PRKAR1B: variants seen among roughly 807,000 people sequenced by gnomAD.
The protein encoded by PRKAR1B is protein kinase cAMP-dependent type I regulatory subunit beta, also known as cAMP-dependent protein kinase type I-beta regulatory subunit.
In PRKAR1B, 22 loss-of-function variants were observed where a neutral mutation model predicts 46.5. That is an observed-to-expected ratio of 0.47 (90% CI 0.34 to 0.68). The LOEUF (loss-of-function observed/expected upper bound fraction) is 0.68. Among genes scored for constraint, PRKAR1B ranks in the 30% least tolerant of loss-of-function variants. PRKAR1B has a pLI of 0.01. For missense variants in PRKAR1B, 445 were observed against 535.6 expected (o/e 0.83, Z 1.67); for synonymous variants, 259 against 217.7 (o/e 1.19, Z -1.67).
At position 560,943 on chromosome 7, in the gene PRKAR1B, T is replaced by C. The variant is rs1029928976; in HGVS notation, c.892-9473A>G. Among the ~76,000 whole-genome samples, 34 of 152,204 alleles carry C rather than the reference T, an allele frequency of 2.2e-4. No homozygotes were observed. The highest frequency in any genetic ancestry group is 2.2e-3 in the Admixed American group (34 of 15,280). ...AAATTCAGGCTCACTCCAGTGCCTT[T>C]ACGTTTCCTGTGCACACATTTCCTG... is the stretch of plus-strand genomic sequence containing the variant. On this transcript the variant is annotated intron_variant, in intron 9 of 10. Coordinates refer to ENST00000537384, the MANE Select transcript of PRKAR1B (RefSeq NM_001164760.2). The surrounding 1 kb of genome is among the most constrained non-coding windows in gnomAD (Gnocchi z 4.2).
intron 4 of PRKAR1B, among the ~76,000 whole-genome samples, chr7:628,066 T>G (rs1783513785): frequency 6.6e-6 from 1 of 152,072 alleles, no homozygotes; most frequent in Admixed American, 6.5e-5. Context: ...CCCCCCGAAC[T>G]CATCTCCCCA....
At chr7:631,627 C>T (rs1783746571) in intron 4 of PRKAR1B, among the ~76,000 whole-genome samples, 1 of 152,188 alleles carries the variant, frequency 6.6e-6, no homozygotes, top group African/African-American at 2.4e-5. Context: ...GCCCACTGTC[C>T]TCCGAGCACA....
At position 606,378 on chromosome 7, in the gene PRKAR1B, G is replaced by A. The variant is rs186595536; in HGVS notation, c.503-139C>T. The A allele has an allele frequency of 6.6e-4, 415 of 628,772 alleles. 2 individuals carry two copies. Among genetic ancestry groups the A allele is most frequent in the Non-Finnish European group, 6.9e-4 (249 of 361,220 alleles). The allele number at this position is 628,772 out of a possible 1,614,324, so 38.9% of individuals were successfully genotyped here. ...CTGGGTGCTACCAATTCTTTTTAAT[G>A]ACAAGATTATACAAACATTGAGATA... On this transcript the variant is annotated intron_variant, in intron 5 of 10. Coordinates refer to ENST00000537384, the MANE Select transcript of PRKAR1B (RefSeq NM_001164760.2).
intron 9 of PRKAR1B, among the ~76,000 whole-genome samples, chr7:570,971 C>T (rs931916223): frequency 6.6e-6 from 1 of 152,248 alleles, no homozygotes; most frequent in Non-Finnish European, 1.5e-5. Flanking sequence ...CCCTAGAACG[C>T]CAGCCGGAGA....
At chr7:576,983 G>A (rs895817719) in intron 9 of PRKAR1B, among the ~76,000 whole-genome samples, 10 of 150,576 alleles carry the variant, frequency 6.6e-5, no homozygotes, top group Non-Finnish European at 1.3e-4. Flanking sequence ...CTCGTCCAAC[G>A]CCATCAGCGG....
At chr7:553,427 G>A (rs1489384373) in intron 9 of PRKAR1B, among the ~76,000 whole-genome samples, 1 of 152,226 alleles carries the variant, frequency 6.6e-6, no homozygotes, top group African/African-American at 2.4e-5. Context: ...TGCCGCAGAA[G>A]TGCAGCACCT....
At chr7:611,287 A>G (rs1038408456) in intron 4 of PRKAR1B, among the ~76,000 whole-genome samples, 6 of 151,886 alleles carry the variant, frequency 4.0e-5, no homozygotes, top group African/African-American at 1.5e-4. Context: ...CTCTCTCTCC[A>G]TCTGTGCCCT....
chr7:680,750 AAAGG>A, intron 2 of PRKAR1B, 24 bp from the exon 3 acceptor site: 1 of 1,613,492 alleles, frequency 6.2e-7, no homozygotes, highest in Non-Finnish European at 8.5e-7. Context: ...GAAAACACAG[AAAGG>A]AAGTAAGAAC....
intron 4 of PRKAR1B, among the ~76,000 whole-genome samples, chr7:633,567 C>T (rs1400403667): frequency 2.0e-5 from 3 of 152,064 alleles, no homozygotes; most frequent in Non-Finnish European, 2.9e-5. Flanking sequence ...AGTTCAAGAC[C>T]AGCCGGGGCA....
chr7:597,312 C>T (rs781238957), intron 6 of PRKAR1B, among the ~76,000 whole-genome samples: 2 of 152,218 alleles, frequency 1.3e-5, no homozygotes, highest in Non-Finnish European at 2.9e-5. Context: ...GAAAAGGCCA[C>T]GCAGGTGTAA....
At chr7:639,481 C>CA (rs2128484076) in intron 4 of PRKAR1B, among the ~76,000 whole-genome samples, 1 of 152,308 alleles carries the variant, frequency 6.6e-6, no homozygotes, top group Non-Finnish European at 1.5e-5. Context: ...TAAAAGAAGA[C>CA]AAAATCAGAG....
chr7:698,697 T>C (rs1158465853), intron 2 of PRKAR1B, among the ~76,000 whole-genome samples: 1 of 152,036 alleles, frequency 6.6e-6, no homozygotes, highest in Non-Finnish European at 1.5e-5. Flanking sequence ...TGTCCAGGTG[T>C]GCGCACAGCT....
chr7:637,105 G>T (rs1272810623), intron 4 of PRKAR1B, among the ~76,000 whole-genome samples: 1 of 152,124 alleles, frequency 6.6e-6, no homozygotes, highest in Admixed American at 6.5e-5. Context: ...GGGCCACACC[G>T]CGAAACCCCA....
intron 7 of PRKAR1B, among the ~76,000 whole-genome samples, chr7:589,666 C>T (rs1031232012): frequency 3.3e-5 from 5 of 152,194 alleles, no homozygotes; most frequent in South Asian, 2.1e-4. Context: ...AATGGATGCT[C>T]GCACGGCCAG....
chr7:568,089 C>T (rs2128433071), intron 9 of PRKAR1B, among the ~76,000 whole-genome samples: 1 of 152,324 alleles, frequency 6.6e-6, no homozygotes, highest in East Asian at 1.9e-4. Flanking sequence ...AAGGGCCTGG[C>T]CACTGGAACC....
At chr7:608,106 A>T (rs937272120) in intron 4 of PRKAR1B, 1 of 152,790 alleles carries the variant, frequency 6.5e-6, no homozygotes, top group Non-Finnish European at 1.5e-5. Flanking sequence ...CACCCGGGAC[A>T]AGTGGGGAAG....
chr7:601,911 C>A (rs1781631126), intron 6 of PRKAR1B, among the ~76,000 whole-genome samples: 1 of 117,872 alleles, frequency 8.5e-6, no homozygotes, highest in South Asian at 2.7e-4. Context: ...TAGGGACGGG[C>A]AGGGGGAGGC....
chr7:725,632 T>G lies in PRKAR1B; in HGVS notation c.-23+1578A>C, dbSNP rs1309216342. ...AACAAAGATGATAACAGCCCTTTCC[T>G]GAAGCCAACCTCCTTCTTGCCTGGG... On this transcript the variant is annotated intron_variant, in intron 1 of 10. Transcript: ENST00000537384. Among the ~76,000 whole-genome samples the G allele has an allele frequency of 2.0e-5, 3 of 152,376 alleles. No individual in the cohort carries two copies. In the East Asian group the frequency reaches 5.8e-4, roughly 29 times the overall value.
chr7:706,814 A>G (rs4493817), intron 2 of PRKAR1B, among the ~76,000 whole-genome samples: 17,281 of 152,030 alleles, frequency 0.11, 1,307 homozygotes, highest in Middle Eastern at 0.2. Flanking sequence ...CCCGGACGGC[A>G]CTCCAAGAGC....
Sources: allele counts gnomAD v4.1 joint callset (sites outside exome capture counted in the v4.1 genomes callset), GRCh38; gene constraint gnomAD v4.1.1; non-coding constraint Gnocchi (gnomAD v3.1); transcripts MANE v1.5; gene names NCBI Gene and HGNC (gene_info 2026-07-23, HGNC 2026-07-21).